MALRD1: variants seen among roughly 807,000 people sequenced by gnomAD.
The protein encoded by MALRD1 is MAM and LDL-receptor class A domain-containing protein 1.
MALRD1 carries 247 observed loss-of-function variants against 242.1 expected under a neutral mutation model. The observed-to-expected ratio is 1.02, with a 90% CI of 0.92 to 1.13. The LOEUF is 1.13. MALRD1 is among the 50% of genes most tolerant of loss of function. MALRD1 has a pLI of 0.00. For missense variants in MALRD1, 2,989 were observed against 2,533.1 expected (o/e 1.18, Z -3.86); for synonymous variants, 995 against 866.6 (o/e 1.15, Z -2.60).
chr10:19,305,959 A>G (rs1488496790), intron 21 of MALRD1, among the ~76,000 whole-genome samples: 6 of 127,448 alleles, frequency 4.7e-5, no homozygotes, highest in African/African-American at 1.8e-4. Context: ...TATTATATAT[A>G]CTATATATAC....
chr10:19,673,476 C>T (rs1589384997), intron 36 of MALRD1, among the ~76,000 whole-genome samples: 1 of 152,310 alleles, frequency 6.6e-6, no homozygotes, highest in East Asian at 1.9e-4. Flanking sequence ...CTAAATGCTG[C>T]AGCACCATAT....
At chr10:19,494,725 G>C (rs1290676847) in intron 30 of MALRD1, among the ~76,000 whole-genome samples, 1 of 151,762 alleles carries the variant, frequency 6.6e-6, no homozygotes, top group African/African-American at 2.4e-5. Context: ...CAAAAATAAA[G>C]AAAAAAGAAT....
chr10:19,097,222 A>C (rs769993573), intron 4 of MALRD1, among the ~76,000 whole-genome samples: 3 of 152,182 alleles, frequency 2.0e-5, no homozygotes, highest in Non-Finnish European at 4.4e-5. Flanking sequence ...ATAACCTACT[A>C]AATCCCATAC....
intron 14 of MALRD1, among the ~76,000 whole-genome samples, chr10:19,183,210 T>A (rs1406025712): frequency 6.6e-6 from 1 of 152,094 alleles, no homozygotes; most frequent in African/African-American, 2.4e-5. Flanking sequence ...ATCCCATTTT[T>A]GTGAATCCTT....
intron 1 of MALRD1, among the ~76,000 whole-genome samples, chr10:19,059,958 G>C (rs1459988636): frequency 6.6e-6 from 1 of 152,186 alleles, no homozygotes; most frequent in African/African-American, 2.4e-5. Context: ...TGCAAGTAAA[G>C]TAATTTGTCA....
In MALRD1 at chr10:19,074,617, A is replaced by G. The variant is rs1160180416; in HGVS notation, c.340+7758A>G. On this transcript the variant is annotated intron_variant, in intron 2 of 39. Coordinates refer to ENST00000454679, the MANE Select transcript of MALRD1 (RefSeq NM_001142308.3). The stretch of plus-strand genomic sequence containing the variant: ...CTTAGATACTTATTTGAATTAACTG[A>G]TAGATATCAACAAAATTTTGCAATG... 3.2e-5 allele frequency among the ~76,000 whole-genome samples: 3 copies of G among 93,650 alleles called. No individual in the cohort carries two copies. The Admixed American group carries it at 3.2e-4, about 10-fold the overall frequency. The allele number at this position is 93,650 out of a possible 152,430, so 61.4% of individuals were successfully genotyped here. A position where few individuals can be genotyped will look rare whatever the true frequency, so the allele number is the denominator to read the frequency against.
At chr10:19,587,832 A>G (rs1056213360) in intron 33 of MALRD1, among the ~76,000 whole-genome samples, 3 of 152,022 alleles carry the variant, frequency 2.0e-5, no homozygotes, top group African/African-American at 4.8e-5. Context: ...GAAGTGGAGT[A>G]TGGTAATCAG....
At chr10:19,167,781 TCA>T (rs1262524229) in intron 13 of MALRD1, among the ~76,000 whole-genome samples, 1 of 152,144 alleles carries the variant, frequency 6.6e-6, no homozygotes, top group Non-Finnish European at 1.5e-5. Context: ...TCTTCTAACT[TCA>T]CAGTCAGATA....
At chr10:19,524,158 T>C (rs1317002720) in intron 31 of MALRD1, among the ~76,000 whole-genome samples, 1 of 152,148 alleles carries the variant, frequency 6.6e-6, no homozygotes, top group Admixed American at 6.5e-5. Context: ...TCGCTGGCCA[T>C]ATTTACATTT....
chr10:19,290,378 C>T (rs1841355067), intron 21 of MALRD1: 1 of 152,204 alleles, frequency 6.6e-6, no homozygotes, highest in East Asian at 1.9e-4. Flanking sequence ...TGGATTCTCC[C>T]TTTCTCCTGC....
rs546278159 is a variant in MALRD1, at chr10:19,123,113, T to A, written c.695-379T>A. On this transcript the variant is annotated intron_variant, in intron 5 of 39. Coordinates refer to ENST00000454679, the MANE Select transcript of MALRD1 (RefSeq NM_001142308.3). ...CCTTCCAGGTTTAAGGGGCGCCATA[T>A]CTTGTATTGGACACATGTACAACTG... Among the ~76,000 whole-genome samples, 5 of 152,262 alleles carry A rather than the reference T, an allele frequency of 3.3e-5. No homozygotes were observed. In the South Asian group the frequency reaches 1.0e-3, roughly 32 times the overall value.
chr10:19,685,343 T>C (rs1471062719), intron 36 of MALRD1, among the ~76,000 whole-genome samples: 2 of 152,226 alleles, frequency 1.3e-5, no homozygotes, highest in Non-Finnish European at 2.9e-5. Flanking sequence ...GGCTTGTCCA[T>C]CTTTATATCC....
At chr10:19,636,627 A>G (rs115078752) in intron 36 of MALRD1, among the ~76,000 whole-genome samples, 3,136 of 152,274 alleles carry the variant, frequency 0.021, 101 homozygotes, top group African/African-American at 0.071. Context: ...GGCCCAGTAC[A>G]GTGGCTCACG....
intron 28 of MALRD1, among the ~76,000 whole-genome samples, chr10:19,409,240 A>C (rs949289605): frequency 2.6e-5 from 4 of 152,212 alleles, no homozygotes; most frequent in Non-Finnish European, 5.9e-5. Context: ...AAAAGTGACT[A>C]ATTTTTTGAT....
chr10:19,234,028 T>C (rs779647833), intron 18 of MALRD1, among the ~76,000 whole-genome samples: 1 of 152,104 alleles, frequency 6.6e-6, no homozygotes, highest in Non-Finnish European at 1.5e-5. Flanking sequence ...TCCCAGCTTT[T>C]ATTTTTTAAA....
At chr10:19,694,334 A>C (rs1379685935) in intron 38 of MALRD1, among the ~76,000 whole-genome samples, 1 of 152,194 alleles carries the variant, frequency 6.6e-6, no homozygotes, top group Admixed American at 6.5e-5. Context: ...TCATCTGACA[A>C]AGGGCTAATA....
intron 1 of MALRD1, among the ~76,000 whole-genome samples, chr10:19,049,994 T>A (rs920269820): frequency 6.6e-5 from 10 of 152,244 alleles, no homozygotes; most frequent in Non-Finnish European, 1.0e-4. Context: ...CAGGGGCTCA[T>A]TGAGAGTTCA....
At chr10:19,185,229 T>C (rs1835686624) in intron 14 of MALRD1, among the ~76,000 whole-genome samples, 1 of 152,200 alleles carries the variant, frequency 6.6e-6, no homozygotes, top group Non-Finnish European at 1.5e-5. Context: ...CTATGTAATG[T>C]AGGCAAGAAA....
intron 36 of MALRD1, among the ~76,000 whole-genome samples, chr10:19,688,567 A>G (rs1211389423): frequency 5.9e-5 from 9 of 152,096 alleles, no homozygotes; most frequent in African/African-American, 1.9e-4. Flanking sequence ...AGCCCTAATG[A>G]TTCTTAATAG....
Sources: allele counts gnomAD v4.1 joint callset (sites outside exome capture counted in the v4.1 genomes callset), GRCh38; gene constraint gnomAD v4.1.1; transcripts MANE v1.5; gene names NCBI Gene and HGNC (gene_info 2026-07-23, HGNC 2026-07-21).